Variants in ATP9B observed in about 807,000 individuals in gnomAD.
ATP9B encodes the protein probable phospholipid-transporting ATPase IIB.
In ATP9B, 110 loss-of-function variants were observed where a neutral mutation model predicts 146.1. That is an observed-to-expected ratio of 0.75 (90% CI 0.65 to 0.88). ATP9B has a LOEUF of 0.88. Ranked by LOEUF, ATP9B falls within the 40% of genes least tolerant of loss-of-function variation. The probability of loss-of-function intolerance (pLI) is 0.00; values close to 1 mark genes in which losing one functional copy is unlikely to be tolerated. For synonymous variants in ATP9B, 604 were observed against 569.7 expected, an observed-to-expected ratio of 1.06 and a Z score of -0.86; for missense variants, 1,499 against 1,496.4, an observed-to-expected ratio of 1.00 and a Z score of -0.03.
chr18:79,353,810 G>A (rs2096935346), intron 25 of ATP9B: 1 of 152,204 alleles, frequency 6.6e-6, no homozygotes, highest in Admixed American at 6.5e-5. Context: ...GGCAGCAATG[G>A]GGTTTTTGTT....
At position 79,218,787 on chromosome 18, in the gene ATP9B, C is replaced by T. The variant is rs2095652218; in HGVS notation, c.1107+4749C>T. 3.3e-5 allele frequency among the ~76,000 whole-genome samples: 5 copies of T among 152,180 alleles called. No individual in the cohort carries two copies. In the South Asian group the frequency reaches 8.3e-4, roughly 25 times the overall value. On this transcript the variant is annotated intron_variant, in intron 11 of 29. Coordinates refer to ENST00000426216, the MANE Select transcript of ATP9B (RefSeq NM_198531.5). Reference sequence around the variant, plus strand: ...TGACTGATTCTTAAGGCTTTGCGAGCGAGTGATATGGGTCACATTTCATTG... The same window carrying T: ...TGACTGATTCTTAAGGCTTTGCGAGTGAGTGATATGGGTCACATTTCATTG...
In ATP9B at chr18:79,073,127, C is replaced by T. The variant is rs568340350; in HGVS notation, c.119+3598C>T. ...AGATGGGGTGGCGGCCGGGAAGAGG[C>T]GCTTCTCACTTCCCAGACTGGGAGG... On this transcript the variant is annotated intron_variant, in intron 1 of 29. Transcript: ENST00000426216. Among the ~76,000 whole-genome samples the T allele has an allele frequency of 1.4e-3, 214 of 150,616 alleles. 3 individuals carry two copies. Among genetic ancestry groups the T allele is most frequent in the African/African-American group, 4.8e-3 (195 of 40,848 alleles).
intron 1 of ATP9B, among the ~76,000 whole-genome samples, chr18:79,092,738 C>G (rs115454821): frequency 6.6e-6 from 1 of 150,378 alleles, no homozygotes; most frequent in Non-Finnish European, 1.5e-5. Context: ...CTATCTTCCA[C>G]CTCCGCATTA....
chr18:79,256,518 T>C (rs1408494165), intron 12 of ATP9B, among the ~76,000 whole-genome samples: 2 of 151,528 alleles, frequency 1.3e-5, no homozygotes, highest in East Asian at 1.9e-4. Context: ...TTTCTTGCAA[T>C]CTTTGGAGTT....
At chr18:79,229,289 G>C (rs1443192068) in intron 11 of ATP9B, among the ~76,000 whole-genome samples, 27 of 152,150 alleles carry the variant, frequency 1.8e-4, no homozygotes, top group Non-Finnish European at 1.5e-5. Context: ...TCATTAACCT[G>C]TGGAAATGAG....
chr18:79,184,392 A>T (rs538078636), intron 8 of ATP9B, among the ~76,000 whole-genome samples: 1 of 152,142 alleles, frequency 6.6e-6, no homozygotes, highest in South Asian at 2.1e-4. Flanking sequence ...TCATGTTATG[A>T]GCTGAGCAGA....
chr18:79,272,089 T>A (rs549587996), intron 12 of ATP9B, among the ~76,000 whole-genome samples: 17 of 152,248 alleles, frequency 1.1e-4, no homozygotes, highest in Non-Finnish European at 2.1e-4. Context: ...TGGGGTTGTT[T>A]TTTTCTTGTA....
intron 26 of ATP9B, among the ~76,000 whole-genome samples, chr18:79,366,116 C>T (rs1411120370): frequency 4.6e-5 from 7 of 152,226 alleles, no homozygotes; most frequent in Admixed American, 2.6e-4. Flanking sequence ...TTCTTTTTAC[C>T]GGACACCTGG....
At chr18:79,119,275 T>C (rs1050902075) in intron 4 of ATP9B, among the ~76,000 whole-genome samples, 1 of 152,192 alleles carries the variant, frequency 6.6e-6, no homozygotes, top group Non-Finnish European at 1.5e-5. Flanking sequence ...GAACTTTATT[T>C]GATTTGTTCA....
At chr18:79,315,862 TC>T (rs1160003966) in intron 15 of ATP9B, among the ~76,000 whole-genome samples, 2 of 152,240 alleles carry the variant, frequency 1.3e-5, no homozygotes, top group Non-Finnish European at 2.9e-5. Context: ...CAGCTCAGGT[TC>T]CCACTTACAT....
At chr18:79,188,183 G>A (rs1417360762) in intron 8 of ATP9B, among the ~76,000 whole-genome samples, 1 of 152,144 alleles carries the variant, frequency 6.6e-6, no homozygotes, top group Non-Finnish European at 1.5e-5. Context: ...GATGTCTAAT[G>A]TACTTGAAGA....
intron 11 of ATP9B, among the ~76,000 whole-genome samples, chr18:79,252,949 G>A (rs777119409): frequency 6.6e-6 from 1 of 152,214 alleles, no homozygotes; most frequent in Admixed American, 6.5e-5. Context: ...GATAACAGAG[G>A]CATGGTCATG....
intron 9 of ATP9B, among the ~76,000 whole-genome samples, chr18:79,201,997 G>A (rs948911170): frequency 6.6e-6 from 1 of 152,172 alleles, no homozygotes; most frequent in African/African-American, 2.4e-5. Flanking sequence ...GGTGGAGCCT[G>A]CCCTGAGCTG....
At chr18:79,171,684 C>T (rs2095073232) in intron 7 of ATP9B, among the ~76,000 whole-genome samples, 2 of 152,150 alleles carry the variant, frequency 1.3e-5, no homozygotes, top group Non-Finnish European at 2.9e-5. Flanking sequence ...CCTGTCACCA[C>T]CAACGCAGTC....
At chr18:79,100,559 A>G (rs769723496) in intron 2 of ATP9B, among the ~76,000 whole-genome samples, 2 of 152,200 alleles carry the variant, frequency 1.3e-5, no homozygotes, top group Non-Finnish European at 2.9e-5. Flanking sequence ...TAATGTTTGC[A>G]TGGTATATAT....
intron 4 of ATP9B, chr18:79,117,164 T>C (rs2094099429): frequency 6.6e-6 from 1 of 152,094 alleles, no homozygotes; most frequent in African/African-American, 2.4e-5. Flanking sequence ...GCTCAAAATA[T>C]GTATAGAAGG....
chr18:79,334,801 A>G (rs1363041067), intron 17 of ATP9B, among the ~76,000 whole-genome samples: 4 of 109,382 alleles, frequency 3.7e-5, no homozygotes, highest in Admixed American at 9.4e-5. Flanking sequence ...CTTGTGCCGG[A>G]TAGGAGACCC....
At chr18:79,216,182 T>A (rs965662716) in intron 11 of ATP9B, among the ~76,000 whole-genome samples, 1 of 152,252 alleles carries the variant, frequency 6.6e-6, no homozygotes, top group Admixed American at 6.5e-5. Context: ...TTTCTGTCAT[T>A]TTTTCATTTC....
At chr18:79,217,108 C>T (rs2095634274) in intron 11 of ATP9B, among the ~76,000 whole-genome samples, 1 of 152,258 alleles carries the variant, frequency 6.6e-6, no homozygotes, top group South Asian at 2.1e-4. Flanking sequence ...TGACACGTCT[C>T]AAGACAAAGC....
Sources: allele counts gnomAD v4.1 joint callset (sites outside exome capture counted in the v4.1 genomes callset), GRCh38; gene constraint gnomAD v4.1.1; transcripts MANE v1.5; gene names NCBI Gene and HGNC (gene_info 2026-07-23, HGNC 2026-07-21).